Variants in GPC4 observed in about 807,000 individuals in gnomAD.
The protein encoded by GPC4 is glypican 4.
In GPC4, 10 loss-of-function variants were observed where a neutral mutation model predicts 35.0. The ratio of observed to expected loss-of-function variants is 0.29; its 90% CI spans 0.18 to 0.48. The LOEUF is 0.48. GPC4 is among the 20% of genes least tolerant of loss of function. The pLI is 0.99. For missense variants in GPC4, 322 were observed against 451.3 expected (o/e 0.71, Z 2.60); for synonymous variants, 167 against 170.2 (o/e 0.98, Z 0.15).
chrX:133,361,744 A>G (rs1048410627), intron 1 of GPC4, among the ~76,000 whole-genome samples: 3 of 111,621 alleles, frequency 2.7e-5, no homozygotes, highest in Admixed American at 9.5e-5. Context: ...GAAATAATAA[A>G]TTTTCTAGAA....
chrX:133,357,098 T>C (rs2068544932), intron 1 of GPC4, among the ~76,000 whole-genome samples: 1 of 110,685 alleles, frequency 9.0e-6, no homozygotes, highest in Non-Finnish European at 1.9e-5. Flanking sequence ...AAAATAATTT[T>C]TAGGGCCAGG....
At chrX:133,319,443 CAAAAAAAAA>C (rs369290840) in intron 3 of GPC4, among the ~76,000 whole-genome samples, 60 of 16,884 alleles carry the variant, frequency 3.6e-3, no homozygotes, top group South Asian at 0.014. Context: ...GACCCTATGT[CAAAAAAAAA>C]AAAAAAAAAA....
intron 1 of GPC4, among the ~76,000 whole-genome samples, chrX:133,379,181 G>A (rs949897553): frequency 8.9e-6 from 1 of 112,580 alleles, no homozygotes; most frequent in African/African-American, 3.2e-5. Flanking sequence ...CCAAAAGGCA[G>A]AAGCAACCTA....
intron 1 of GPC4, among the ~76,000 whole-genome samples, chrX:133,354,176 G>C (rs2068529261): frequency 9.0e-6 from 1 of 111,631 alleles, no homozygotes; most frequent in African/African-American, 3.3e-5. Context: ...ATGGTATGCA[G>C]TTCGGGATAT....
At chrX:133,327,147 G>T (rs1312313293) in intron 2 of GPC4, among the ~76,000 whole-genome samples, 1 of 112,046 alleles carries the variant, frequency 8.9e-6, no homozygotes. Context: ...TCCTTATATT[G>T]AATTTTTATT....
intron 1 of GPC4, among the ~76,000 whole-genome samples, chrX:133,412,078 A>T (rs10126532): frequency 0.016 from 1,835 of 111,936 alleles, 45 homozygotes; most frequent in African/African-American, 0.055. Context: ...AGACTTTGTG[A>T]TACTTCACCT....
Position 133,331,569 on chromosome X carries a change from C to T in GPC4, c.320-7033G>A, listed in dbSNP as rs1302491332. ...GGCAGATCACCTGAGGTCAGGAGTT[C>T]GAGACCAGCCTGACCAATATGGTGA... is the stretch of plus-strand genomic sequence containing the variant. On this transcript the variant is annotated intron_variant, in intron 2 of 8. Transcript: ENST00000370828. 3.6e-5 allele frequency among the ~76,000 whole-genome samples: 4 copies of T among 110,879 alleles called. No homozygotes were observed. The Admixed American group carries it at 3.8e-4, about 11-fold the overall frequency.
chrX:133,350,736 C>T (rs1297872623), intron 1 of GPC4, among the ~76,000 whole-genome samples: 1 of 112,098 alleles, frequency 8.9e-6, no homozygotes, highest in African/African-American at 3.2e-5. Context: ...TTACGGCTTA[C>T]TCTGATACAG....
intron 3 of GPC4, among the ~76,000 whole-genome samples, chrX:133,318,043 A>G (rs2124114842): frequency 8.9e-6 from 1 of 111,998 alleles, no homozygotes; most frequent in East Asian, 2.8e-4. Context: ...GTTAACACTT[A>G]TAAGTCAACC....
At chrX:133,305,132 C>A (rs747245816) in intron 6 of GPC4, among the ~76,000 whole-genome samples, 3 of 111,797 alleles carry the variant, frequency 2.7e-5, no homozygotes, top group South Asian at 7.7e-4. Context: ...AGTCTCCATG[C>A]CCTGTAGGCA....
intron 1 of GPC4, among the ~76,000 whole-genome samples, chrX:133,352,521 GA>G (rs936684837): frequency 0.02 from 1,855 of 91,180 alleles, 53 homozygotes; most frequent in African/African-American, 0.068. Flanking sequence ...CTCCTTTTAA[GA>G]AAAAAAAAAA....
intron 2 of GPC4, among the ~76,000 whole-genome samples, chrX:133,327,571 TG>T (rs1032367357): frequency 2.8e-5 from 3 of 108,889 alleles, no homozygotes; most frequent in Non-Finnish European, 5.7e-5. Flanking sequence ...GAAACTGACA[TG>T]CCCCTGTCCG....
At chrX:133,382,345 G>A (rs1330933878) in intron 1 of GPC4, among the ~76,000 whole-genome samples, 2 of 98,756 alleles carry the variant, frequency 2.0e-5, no homozygotes, top group Non-Finnish European at 4.0e-5. Flanking sequence ...AGAATGGCGT[G>A]AACCCAGGAG....
intron 2 of GPC4, among the ~76,000 whole-genome samples, chrX:133,332,694 C>T (rs1005011579): frequency 1.8e-5 from 2 of 112,080 alleles, no homozygotes; most frequent in African/African-American, 6.5e-5. Context: ...CCACTGCACC[C>T]AGCAGAACCA....
rs1290262277 is a variant in GPC4, at chrX:133,324,480, T to C, written c.376A>G (p.Lys126Glu). 8.4e-7 allele frequency: 1 copy of C among 1,185,064 alleles called. No homozygotes were observed. Among genetic ancestry groups the C allele is most frequent in the East Asian group, 3.0e-5 (1 of 33,081 alleles). Residue 126 changes from lysine (K) to glutamate (E), a missense_variant, in exon 3 of 9, where the codon AAG (lysine) becomes GAG (glutamate). Around this residue, in one of 3 missense-constraint regions of GPC4, gnomAD observed 163 missense variants for 277.2 expected, o/e 0.59. Transcript: ENST00000370828. The stretch of plus-strand genomic sequence containing the variant: ...TGCATGTATAAATGGCCATATGTCT[T>C]CACAAACATATCATTCAGGGATTTC... ...AEKSLNDMFV[K>E]TYGHLYMQNS...
intron 1 of GPC4, among the ~76,000 whole-genome samples, chrX:133,343,130 G>A (rs1261771275): frequency 1.8e-5 from 2 of 111,659 alleles, no homozygotes; most frequent in African/African-American, 6.5e-5. Flanking sequence ...TTTTAACAAG[G>A]GCTCTAGGTG....
chrX:133,373,609 C>T (rs2068622369), intron 1 of GPC4, among the ~76,000 whole-genome samples: 1 of 111,342 alleles, frequency 9.0e-6, no homozygotes, highest in African/African-American at 3.3e-5. Flanking sequence ...GGTTTCCCAT[C>T]ACCAGGGCTC....
chrX:133,382,921 T>A (rs6529574), intron 1 of GPC4, among the ~76,000 whole-genome samples: 53,091 of 111,033 alleles, frequency 0.48, 11,515 homozygotes, highest in African/African-American at 0.86. Context: ...GCTGGCAAGG[T>A]TATAGCGCAA....
rs769090877 is a variant in GPC4, at chrX:133,317,244, A to G, written c.712-5821T>C. Among the ~76,000 whole-genome samples the G allele has an allele frequency of 2.7e-5, 3 of 111,141 alleles. No individual in the cohort carries two copies. The East Asian group carries it at 8.5e-4, about 31-fold the overall frequency. Reference sequence around the variant, plus strand: ...TTTAGGAGCCAATCTATGTTTCATGATAAAAGTCAGTGTGTATGTGGGGGG... The same window carrying G: ...TTTAGGAGCCAATCTATGTTTCATGGTAAAAGTCAGTGTGTATGTGGGGGG... On this transcript the variant is annotated intron_variant, in intron 3 of 8. Coordinates refer to ENST00000370828, the MANE Select transcript of GPC4 (RefSeq NM_001448.3).
Sources: gnomAD v4.1 joint callset for allele counts (sites outside exome capture counted in the v4.1 genomes callset) on GRCh38, gnomAD v4.1.1 for gene constraint, gnomAD v4.1.1 regional missense constraint, MANE v1.5 for transcripts, NCBI Gene and HGNC (gene_info 2026-07-23, HGNC 2026-07-21) for gene names.